Variants in NBN observed in about 807,000 individuals in gnomAD.
NBN encodes nibrin, also known as Nijmegen breakage syndrome 1 (nibrin).
NBN carries 88 observed loss-of-function variants against 90.8 expected under a neutral mutation model. That is an observed-to-expected ratio of 0.97 (90% CI 0.82 to 1.16). The LOEUF (loss-of-function observed/expected upper bound fraction) is 1.16, where lower values mean the gene tolerates loss of function less well. Ranked by LOEUF, NBN falls within the 50% of genes most tolerant of loss-of-function variation. The pLI is 0.00. For synonymous variants in NBN, 328 were observed against 295.1 expected (o/e 1.11, Z -1.14); for missense variants, 894 against 869.6 (o/e 1.03, Z -0.35).
chr8:89,955,623 A>C, intron 9 of NBN, 68 bp from the exon 10 acceptor site: 1 of 1,497,050 alleles, frequency 6.7e-7, no homozygotes, highest in African/African-American at 1.4e-5. Flanking sequence ...AGAAACAAAG[A>C]TCGTTAAATA....
At chr8:89,937,527 C>A (rs1408400741) in intron 14 of NBN, among the ~76,000 whole-genome samples, 1 of 152,208 alleles carries the variant, frequency 6.6e-6, no homozygotes, top group African/African-American at 2.4e-5. Flanking sequence ...GCTAAATTAC[C>A]TCTCCTCTGA....
intron 7 of NBN, among the ~76,000 whole-genome samples, chr8:89,966,884 G>C (rs770537063): frequency 5.3e-5 from 8 of 152,178 alleles, no homozygotes; most frequent in Non-Finnish European, 1.2e-4. Flanking sequence ...TGTAACTTTG[G>C]TATAAAACAG....
At chr8:89,948,315 T>C (rs1468540850) in intron 11 of NBN, among the ~76,000 whole-genome samples, 1 of 152,220 alleles carries the variant, frequency 6.6e-6, no homozygotes, top group Non-Finnish European at 1.5e-5. Flanking sequence ...ACTGTCTGTT[T>C]TATTTTCTAC....
At chr8:89,979,024 C>A (rs530247805) in intron 4 of NBN, among the ~76,000 whole-genome samples, 1 of 152,332 alleles carries the variant, frequency 6.6e-6, no homozygotes, top group South Asian at 2.1e-4. Context: ...GTTGTCCAGG[C>A]TGGACTGCAG....
At chr8:89,938,875 C>T (rs2735386) in intron 14 of NBN, among the ~76,000 whole-genome samples, 45,685 of 152,090 alleles carry the variant, frequency 0.3, 6,890 homozygotes, top group East Asian at 0.4. Flanking sequence ...TTTTTCTAAA[C>T]ATTCTTAGAG....
intron 11 of NBN, among the ~76,000 whole-genome samples, chr8:89,952,076 G>A (rs1810470816): frequency 6.6e-6 from 1 of 152,170 alleles, no homozygotes; most frequent in Admixed American, 6.5e-5. Context: ...AGACTTGATG[G>A]CTGGAGGTAT....
In NBN at chr8:89,970,483, T is replaced by C. The variant is rs876660469; in HGVS notation, c.777A>G (p.Glu259=). ...TTCCCGGAGCCAAAAAGAAATTATG[T>C]TCTTCTTCATTCTCTTCTGTTATCA... is the stretch of plus-strand genomic sequence containing the variant. The part of the protein sequence containing the change: ...ARLITEENEE[E]HNFFLAPGTC... Residue 259 remains glutamate (E), a synonymous_variant, in exon 7 of 16, where the codon GAA becomes GAG. Transcript: ENST00000265433. 1.9e-6 allele frequency: 3 copies of C among 1,613,734 alleles called. No homozygotes were observed. Among genetic ancestry groups the C allele is most frequent in the Non-Finnish European group, 2.5e-6 (3 of 1,179,784 alleles).
rs1586065991 is a variant in NBN at position 89,958,808 on chromosome 8, T to G, written c.1041A>C (p.Ser347=). The G allele has an allele frequency of 6.2e-7, 1 of 1,614,020 alleles. No individual in the cohort carries two copies. Among genetic ancestry groups the G allele is most frequent in the Non-Finnish European group, 8.5e-7 (1 of 1,179,864 alleles). Residue 347 remains serine, a synonymous_variant, in exon 9 of 16, where the codon TCA becomes TCC. Coordinates refer to ENST00000265433, the MANE Select transcript of NBN (RefSeq NM_002485.5). ...CGCTTGGCATTAGTTTTTCATCAAC[T>G]GACACGCCTTGTGAAAGGCTTGGTC... ...TPGPSLSQGV[S]VDEKLMPSAP... is the part of the protein sequence containing the mutation.
At chr8:89,981,615 G>T (rs1812073543) in intron 2 of NBN, 92 bp from the exon 3 acceptor site, 2 of 1,365,544 alleles carry the variant, frequency 1.5e-6, no homozygotes, top group Non-Finnish European at 2.0e-6. Context: ...CAATAGGCAG[G>T]TGGCTAACCT....
At chr8:89,966,965 T>C (rs1811282275) in intron 7 of NBN, among the ~76,000 whole-genome samples, 1 of 152,096 alleles carries the variant, frequency 6.6e-6, no homozygotes, top group Non-Finnish European at 1.5e-5. Flanking sequence ...AAAACATAGG[T>C]GAGTATCTTT....
chr8:89,947,113 T>TA (rs1395648022), intron 12 of NBN, among the ~76,000 whole-genome samples: 2 of 152,118 alleles, frequency 1.3e-5, no homozygotes, highest in Non-Finnish European at 2.9e-5. Flanking sequence ...AATCAGCACA[T>TA]TATTAAGAAC....
intron 8 of NBN, among the ~76,000 whole-genome samples, chr8:89,963,131 T>C (rs1811075855): frequency 6.6e-6 from 1 of 152,232 alleles, no homozygotes; most frequent in African/African-American, 2.4e-5. Flanking sequence ...GCAGTTATTA[T>C]TACTATGCAT....
intron 9 of NBN, among the ~76,000 whole-genome samples, chr8:89,956,951 A>AT (rs1810741892): frequency 6.6e-6 from 1 of 152,212 alleles, no homozygotes; most frequent in Non-Finnish European, 1.5e-5. Context: ...GATGTAAACA[A>AT]ACCTATGCTG....
intron 14 of NBN, 36 bp from the exon 15 acceptor site, chr8:89,937,111 G>A (rs1563497969): frequency 6.3e-7 from 1 of 1,595,054 alleles, no homozygotes; most frequent in Non-Finnish European, 8.6e-7. Flanking sequence ...CATTTGCTCA[G>A]TGGTGAATAT....
rs764745963 is a variant in NBN, at chr8:89,984,648, A to G, written c.-87T>C. 6 of 1,576,360 alleles carry G rather than the reference A, an allele frequency of 3.8e-6. No individual in the cohort carries two copies. The highest frequency in any genetic ancestry group is 2.3e-5 in the East Asian group (1 of 42,710). On this transcript the variant is annotated 5_prime_UTR_variant, in exon 1 of 16. The change abolishes an upstream ATG in the 5' untranslated region. Coordinates refer to ENST00000265433, the MANE Select transcript of NBN (RefSeq NM_002485.5). ...CGCGGATACGGCGCCTGCGGTCGGC[A>G]TGGGCTCCGGGACGTGCGCGCTCCC... is the stretch of plus-strand genomic sequence containing the variant.
chr8:89,935,711 A>G, intron 15 of NBN, 99 bp from the exon 16 acceptor site: 1 of 1,442,552 alleles, frequency 6.9e-7, no homozygotes, highest in South Asian at 1.2e-5. Context: ...TTTGGCAAAT[A>G]GGATGGGAAT....
chr8:89,937,671 C>A (rs1214018942), intron 14 of NBN, among the ~76,000 whole-genome samples: 1 of 152,200 alleles, frequency 6.6e-6, no homozygotes, highest in Admixed American at 6.5e-5. Flanking sequence ...CCCTTCGTGA[C>A]TTCTCCCACC....
In NBN at chr8:89,935,440, T is replaced by C; in HGVS notation, c.*142A>G. On this transcript the variant is annotated 3_prime_UTR_variant, in exon 16 of 16. Transcript: ENST00000265433. ...GTTACATACAAAAGAATCAAAGTTT[T>C]GTGCATTTTATTTAATAAATTTAGG... 1 of 933,920 alleles carries C rather than the reference T, an allele frequency of 1.1e-6. No individual in the cohort carries two copies. Among genetic ancestry groups the C allele is most frequent in the Non-Finnish European group, 1.6e-6 (1 of 609,852 alleles). 57.9% of individuals were successfully genotyped at this position (933,920 alleles called of 1,614,324 possible).
At chr8:89,976,284 T>C (rs1262767182) in intron 5 of NBN, among the ~76,000 whole-genome samples, 1 of 152,180 alleles carries the variant, frequency 6.6e-6, no homozygotes, top group East Asian at 1.9e-4. Flanking sequence ...TGCTTTCATA[T>C]TTGCAGGAGT....
Sources: allele counts gnomAD v4.1 joint callset (sites outside exome capture counted in the v4.1 genomes callset), GRCh38; gene constraint gnomAD v4.1.1; transcripts MANE v1.5; gene names NCBI Gene and HGNC (gene_info 2026-07-23, HGNC 2026-07-21).